Variants in SCMH1 observed in about 807,000 individuals in gnomAD.
The protein encoded by SCMH1 is polycomb protein SCMH1.
Under a neutral mutation model 70.8 loss-of-function variants are expected in SCMH1, and 37 were observed. That is an observed-to-expected ratio of 0.52 (90% CI 0.40 to 0.69). The LOEUF is 0.69. SCMH1 is among the 30% of genes least tolerant of loss of function. The probability of loss-of-function intolerance (pLI) is 0.00; values close to 1 mark genes in which losing one functional copy is unlikely to be tolerated. For synonymous variants in SCMH1, 292 were observed against 307.4 expected (o/e 0.95, Z 0.52); for missense variants, 607 against 827.3 (o/e 0.73, Z 3.27).
At chr1:41,240,401 G>A (rs1663266706) in intron 1 of SCMH1, among the ~76,000 whole-genome samples, 1 of 152,188 alleles carries the variant, frequency 6.6e-6, no homozygotes. Flanking sequence ...AGGTTGGTAA[G>A]TAAGCAACAA....
At chr1:41,204,447 T>C (rs767783690) in intron 1 of SCMH1, among the ~76,000 whole-genome samples, 19 of 152,258 alleles carry the variant, frequency 1.2e-4, no homozygotes, top group Admixed American at 2.6e-4. Flanking sequence ...GCCCACATAG[T>C]CCTGCATGAT....
intron 11 of SCMH1, 140 bp from the exon 12 acceptor site, chr1:41,046,738 C>T (rs1646934561): frequency 1.2e-5 from 8 of 655,322 alleles, no homozygotes; most frequent in South Asian, 1.2e-4. Context: ...TCCTCCCTCC[C>T]TCCCTTTAAC....
At chr1:41,218,208 G>C (rs1264569396) in intron 1 of SCMH1, among the ~76,000 whole-genome samples, 1 of 152,182 alleles carries the variant, frequency 6.6e-6, no homozygotes, top group Non-Finnish European at 1.5e-5. Flanking sequence ...TTGCACATGA[G>C]AAGAACATAA....
intron 9 of SCMH1, among the ~76,000 whole-genome samples, chr1:41,071,986 AG>A (rs1656697633): frequency 6.6e-6 from 1 of 152,180 alleles, no homozygotes; most frequent in African/African-American, 2.4e-5. Flanking sequence ...GAATGCAAGG[AG>A]AACATAACCA....
intron 1 of SCMH1, among the ~76,000 whole-genome samples, chr1:41,212,101 A>G (rs1258215275): frequency 6.6e-6 from 1 of 152,164 alleles, no homozygotes; most frequent in East Asian, 1.9e-4. Context: ...AACATGGCAC[A>G]TGTATACCTA....
At chr1:41,033,935 G>C in intron 13 of SCMH1, 48 bp downstream of exon 14, 1 of 1,613,002 alleles carries the variant, frequency 6.2e-7, no homozygotes, top group Non-Finnish European at 8.5e-7. Context: ...ACTCTTCTCA[G>C]AAACAGGGCC....
At chr1:41,204,525 C>T (rs1217970117) in intron 1 of SCMH1, among the ~76,000 whole-genome samples, 1 of 152,206 alleles carries the variant, frequency 6.6e-6, no homozygotes, top group African/African-American at 2.4e-5. Context: ...TCCAGCTATA[C>T]TGGTCTTCTC....
intron 3 of SCMH1, 81 bp downstream of exon 3, chr1:41,161,283 A>C: frequency 6.5e-7 from 1 of 1,542,068 alleles, no homozygotes; most frequent in Non-Finnish European, 8.7e-7. Flanking sequence ...TTGTAAACTC[A>C]GACCTCTAAC....
At chr1:41,196,204 T>C (rs1652983409) in intron 1 of SCMH1, among the ~76,000 whole-genome samples, 1 of 151,962 alleles carries the variant, frequency 6.6e-6, no homozygotes, top group South Asian at 2.1e-4. Flanking sequence ...TTTGCACAAA[T>C]AGAAAAAGTT....
intron 2 of SCMH1, among the ~76,000 whole-genome samples, chr1:41,176,775 A>C (rs2148557374): frequency 6.6e-6 from 1 of 152,314 alleles, no homozygotes; most frequent in South Asian, 2.1e-4. Context: ...GGTGGAGCCT[A>C]CCGCAGCTCA....
At chr1:41,045,995 C>T (rs529703717) in intron 12 of SCMH1, among the ~76,000 whole-genome samples, 2 of 152,288 alleles carry the variant, frequency 1.3e-5, no homozygotes, top group East Asian at 3.9e-4. Flanking sequence ...GGCCAATCAC[C>T]AGGGAGCAAA....
intron 1 of SCMH1, among the ~76,000 whole-genome samples, chr1:41,214,360 CA>C (rs1657660848): frequency 6.6e-6 from 1 of 152,038 alleles, no homozygotes; most frequent in Admixed American, 6.6e-5. Flanking sequence ...AATAATTATA[CA>C]AAATATAAAT....
At chr1:41,055,823 C>T (rs955055827) in intron 10 of SCMH1, among the ~76,000 whole-genome samples, 1 of 152,182 alleles carries the variant, frequency 6.6e-6, no homozygotes, top group African/African-American at 2.4e-5. Flanking sequence ...GTATCCTTGA[C>T]AAACCACACC....
At chr1:41,106,353 AC>A (rs1210633045) in intron 8 of SCMH1, among the ~76,000 whole-genome samples, 2 of 148,736 alleles carry the variant, frequency 1.3e-5, no homozygotes, top group African/African-American at 2.5e-5. Flanking sequence ...AAAGTGTGAC[AC>A]CCCCCTCCCC....
At chr1:41,117,469 A>C (rs1572286024) in intron 6 of SCMH1, among the ~76,000 whole-genome samples, 1 of 151,742 alleles carries the variant, frequency 6.6e-6, no homozygotes, top group African/African-American at 2.4e-5. Flanking sequence ...AAGGAAAAAC[A>C]CCCATTACTT....
intron 13 of SCMH1, among the ~76,000 whole-genome samples, chr1:41,030,212 C>CA (rs914831159): frequency 8.6e-5 from 13 of 151,400 alleles, no homozygotes; most frequent in South Asian, 8.4e-4. Context: ...GACCCTGTCT[C>CA]AAAAAAAACA....
intron 12 of SCMH1, among the ~76,000 whole-genome samples, chr1:41,045,182 G>A (rs1229617252): frequency 6.6e-6 from 1 of 152,144 alleles, no homozygotes; most frequent in East Asian, 1.9e-4. Context: ...CTAACTGCAA[G>A]TCAGAATGCC....
At chr1:41,126,223 A>AT (rs1673148856) in intron 6 of SCMH1, among the ~76,000 whole-genome samples, 1 of 152,058 alleles carries the variant, frequency 6.6e-6, no homozygotes, top group African/African-American at 2.4e-5. Flanking sequence ...TTTGCAGTCC[A>AT]TTTTTTCCTT....
At chr1:41,090,966 G>C (rs917416800) in intron 8 of SCMH1, among the ~76,000 whole-genome samples, 3 of 151,294 alleles carry the variant, frequency 2.0e-5, no homozygotes, top group African/African-American at 7.3e-5. Flanking sequence ...GTGAACCTGG[G>C]AGGCGGAGCT....
Sources: gnomAD v4.1 joint callset for allele counts (sites outside exome capture counted in the v4.1 genomes callset) on GRCh38, gnomAD v4.1.1 for gene constraint, MANE v1.5 for transcripts, NCBI Gene and HGNC (gene_info 2026-07-23, HGNC 2026-07-21) for gene names.